Variants in STIM2 observed in about 807,000 individuals in gnomAD.
STIM2 encodes stromal interaction molecule 2.
STIM2 carries 31 observed loss-of-function variants against 85.8 expected under a neutral mutation model. The observed-to-expected ratio is 0.36, with a 90% CI of 0.27 to 0.49. STIM2 has a LOEUF of 0.49. Ranked by LOEUF, STIM2 falls within the 20% of genes least tolerant of loss-of-function variation. STIM2 has a pLI of 0.98. For missense variants in STIM2, 841 were observed against 927.6 expected, an observed-to-expected ratio of 0.91 and a Z score of 1.21; for synonymous variants, 356 against 331.1, an observed-to-expected ratio of 1.08 and a Z score of -0.82.
In STIM2 at chr4:26,940,678, C is replaced by T. The variant is rs912047879; in HGVS notation, c.283-16934C>T. Among the ~76,000 whole-genome samples, 18 of 152,074 alleles carry T rather than the reference C, an allele frequency of 1.2e-4. 1 individual carries two copies. The highest frequency in any genetic ancestry group is 1.1e-3 in the Admixed American group (16 of 15,238). On this transcript the variant is annotated intron_variant, in intron 2 of 11. Coordinates refer to ENST00000467087, the MANE Select transcript of STIM2 (RefSeq NM_020860.4). The stretch of plus-strand genomic sequence containing the variant: ...TTATTTGATTTCTAACTAGTCTTGC[C>T]ATTGCTTATCTTTTCCTTTTTGTAA...
Position 26,860,940 on chromosome 4 carries a change from T to C in STIM2, c.-279T>C. On this transcript the variant is annotated 5_prime_UTR_variant, in exon 1 of 12. Coordinates refer to ENST00000467087, the MANE Select transcript of STIM2 (RefSeq NM_020860.4). ...ACCCCCCACCTTTTTTTTTTTTTTT[T>C]TTAAATAACCGGAACCAATGAACGC... 1 of 1,172,488 alleles carries C rather than the reference T, an allele frequency of 8.5e-7. No homozygotes were observed. Among genetic ancestry groups the C allele is most frequent in the South Asian group, 1.6e-5 (1 of 61,784 alleles). 72.6% of individuals were successfully genotyped at this position (1,172,488 alleles called of 1,614,324 possible).
chr4:26,880,724 G>A (rs1722986952), intron 1 of STIM2, among the ~76,000 whole-genome samples: 1 of 137,962 alleles, frequency 7.2e-6, no homozygotes, highest in Non-Finnish European at 1.5e-5. Context: ...TCTTTTTCCC[G>A]AGGATAGACA....
chr4:27,005,091 TTAAC>T (rs1169407426), intron 7 of STIM2, among the ~76,000 whole-genome samples: 3 of 152,334 alleles, frequency 2.0e-5, no homozygotes, highest in African/African-American at 4.8e-5. Flanking sequence ...AGAAATAAGT[TTAAC>T]TGAGAAATGA....
At chr4:26,897,134 C>G in intron 1 of STIM2, among the ~76,000 whole-genome samples, 1 of 152,242 alleles carries the variant, frequency 6.6e-6, no homozygotes, top group East Asian at 1.9e-4. Context: ...CACTATGGGC[C>G]TATTTACAAA....
intron 3 of STIM2, among the ~76,000 whole-genome samples, chr4:26,965,483 T>C (rs1447807072): frequency 6.6e-6 from 1 of 152,148 alleles, no homozygotes; most frequent in Non-Finnish European, 1.5e-5. Flanking sequence ...AACTTTCTTT[T>C]ATAAAATTAT....
chr4:27,015,844 C>T (rs1577499032), intron 10 of STIM2, among the ~76,000 whole-genome samples: 3 of 130,414 alleles, frequency 2.3e-5, no homozygotes, highest in East Asian at 2.3e-4. Context: ...AAGGATGTGT[C>T]TTTTATCAGT....
rs758109936 is a variant in STIM2, at chr4:26,931,219, C to T, written c.282+11585C>T. On this transcript the variant is annotated intron_variant, in intron 2 of 11. Transcript: ENST00000467087. ...GAAAGAGAAGGGGCAGTAATGTGGA[C>T]GTCATAATCTTTTTGTGACTAATGC... is the stretch of plus-strand genomic sequence containing the variant. 2.6e-5 allele frequency among the ~76,000 whole-genome samples: 4 copies of T among 152,072 alleles called. No individual in the cohort carries two copies. The South Asian group carries it at 6.2e-4, about 24-fold the overall frequency.
chr4:26,949,848 C>T (rs566133988), intron 2 of STIM2, among the ~76,000 whole-genome samples: 1 of 152,234 alleles, frequency 6.6e-6, no homozygotes, highest in East Asian at 1.9e-4. Flanking sequence ...TCTCCTGTAA[C>T]ATTCTTTATG....
At chr4:26,934,432 C>T (rs1052397839) in intron 2 of STIM2, among the ~76,000 whole-genome samples, 2 of 152,134 alleles carry the variant, frequency 1.3e-5, no homozygotes, top group African/African-American at 4.8e-5. Flanking sequence ...GAGAATTTCT[C>T]AAGAAAGCAA....
intron 2 of STIM2, among the ~76,000 whole-genome samples, chr4:26,929,336 T>C (rs1484224787): frequency 6.6e-6 from 1 of 152,180 alleles, no homozygotes; most frequent in African/African-American, 2.4e-5. Flanking sequence ...GTTCTTGTAC[T>C]ATAGTCCTTC....
chr4:26,902,975 A>T (rs961756110), intron 1 of STIM2, among the ~76,000 whole-genome samples: 1 of 152,144 alleles, frequency 6.6e-6, no homozygotes. Context: ...TTTCTCTAAT[A>T]TTACAAAATA....
intron 1 of STIM2, among the ~76,000 whole-genome samples, chr4:26,869,582 G>A (rs1722536172): frequency 6.6e-6 from 1 of 151,944 alleles, no homozygotes; most frequent in Admixed American, 6.6e-5. Context: ...AGGCTGGAGT[G>A]CAGTGACATG....
At position 26,945,273 on chromosome 4, in the gene STIM2, A is replaced by C. The variant is rs190523298; in HGVS notation, c.283-12339A>C. Among the ~76,000 whole-genome samples the C allele has an allele frequency of 8.8e-3, 1,332 of 152,206 alleles. 5 individuals are homozygous for C. The highest frequency in any genetic ancestry group is 0.024 in the Middle Eastern group (7 of 294). ...CATTTGTGTCCCTGCAAAAGACATG[A>C]TCTTGTTCTTTTTATGGCTGTGTAG... On this transcript the variant is annotated intron_variant, in intron 2 of 11. Transcript: ENST00000467087.
intron 1 of STIM2, among the ~76,000 whole-genome samples, chr4:26,913,936 AAAATT>A (rs1724438630): frequency 6.6e-6 from 1 of 152,182 alleles, no homozygotes; most frequent in Admixed American, 6.5e-5. Flanking sequence ...GCTGTGAAGA[AAAATT>A]AAACAAGTAG....
At chr4:26,992,483 G>A (rs367893921) in intron 3 of STIM2, among the ~76,000 whole-genome samples, 10 of 152,048 alleles carry the variant, frequency 6.6e-5, no homozygotes, top group African/African-American at 1.7e-4. Context: ...GAGAGGCAGA[G>A]GAGTTCAAGA....
intron 11 of STIM2, chr4:27,021,152 A>C: frequency 7.7e-7 from 1 of 1,292,158 alleles, no homozygotes; most frequent in Non-Finnish European, 1.1e-6. Flanking sequence ...TTCATCCAAC[A>C]CATTTTTATG....
chr4:26,959,390 C>A (rs1382982982), intron 3 of STIM2, among the ~76,000 whole-genome samples: 1 of 152,074 alleles, frequency 6.6e-6, no homozygotes, highest in Non-Finnish European at 1.5e-5. Context: ...CCACTCTGGC[C>A]ACCCTGTTTA....
intron 1 of STIM2, among the ~76,000 whole-genome samples, chr4:26,910,554 G>A (rs571552513): frequency 2.6e-5 from 4 of 151,628 alleles, no homozygotes; most frequent in Admixed American, 6.6e-5. Flanking sequence ...CAAACAAAAA[G>A]CCAAACTAAA....
chr4:26,916,177 G>C (rs1175272255), intron 1 of STIM2, among the ~76,000 whole-genome samples: 1 of 152,178 alleles, frequency 6.6e-6, no homozygotes, highest in Non-Finnish European at 1.5e-5. Flanking sequence ...AACGAAAAGA[G>C]ACATTAGAAC....
Sources: gnomAD v4.1 joint callset for allele counts (sites outside exome capture counted in the v4.1 genomes callset) on GRCh38, gnomAD v4.1.1 for gene constraint, MANE v1.5 for transcripts, NCBI Gene and HGNC (gene_info 2026-07-23, HGNC 2026-07-21) for gene names.